CUX1: variants seen among roughly 807,000 people sequenced by gnomAD.
The protein encoded by CUX1 is protein CASP.
In CUX1, 31 loss-of-function variants were observed where a neutral mutation model predicts 158.8. That is an observed-to-expected ratio of 0.20 (90% CI 0.15 to 0.26). The LOEUF is 0.26. Among genes scored for constraint, CUX1 ranks in the 10% least tolerant of loss-of-function variants. The pLI is 1.00. For synonymous variants in CUX1, 879 were observed against 862.1 expected, an observed-to-expected ratio of 1.02 and a Z score of -0.34; for missense variants, 1,589 against 2,014.6, an observed-to-expected ratio of 0.79 and a Z score of 4.04.
intron 23 of CUX1, 120 bp downstream of exon 23, chr7:102,239,704 G>A: frequency 2.6e-6 from 3 of 1,174,900 alleles, no homozygotes; most frequent in Non-Finnish European, 3.5e-6. Context: ...TGGGAGCTCG[G>A]TGATTGGTCC....
At chr7:102,131,837 C>T (rs1041013402) in intron 8 of CUX1, among the ~76,000 whole-genome samples, 2 of 151,722 alleles carry the variant, frequency 1.3e-5, no homozygotes, top group Admixed American at 6.6e-5. Flanking sequence ...CATGCCTAGC[C>T]AATTTTTGTA....
chr7:102,049,613 G>A (rs1179412712), intron 3 of CUX1, among the ~76,000 whole-genome samples: 2 of 152,110 alleles, frequency 1.3e-5, no homozygotes, highest in Admixed American at 6.6e-5. Context: ...GCCGAGGCAG[G>A]AGGATCACTT....
chr7:102,054,977 A>C (rs1389212618), intron 3 of CUX1, among the ~76,000 whole-genome samples: 1 of 152,060 alleles, frequency 6.6e-6, no homozygotes, highest in African/African-American at 2.4e-5. Flanking sequence ...TCTCCAAAAA[A>C]AAAAAAGCCA....
intron 17 of CUX1, chr7:102,277,943 C>G (rs782797555): frequency 9.3e-5 from 139 of 1,497,304 alleles, no homozygotes; most frequent in Admixed American, 2.1e-4. Flanking sequence ...GCCCCTCCCC[C>G]CCCAGGAGAA....
chr7:102,209,127 A>T (rs1796262435), intron 20 of CUX1, among the ~76,000 whole-genome samples: 1 of 152,130 alleles, frequency 6.6e-6, no homozygotes, highest in African/African-American at 2.4e-5. Flanking sequence ...CTGGCCCAGG[A>T]GTCTATTTTC....
intron 2 of CUX1, among the ~76,000 whole-genome samples, chr7:101,933,560 G>A (rs964987627): frequency 1.9e-4 from 29 of 152,038 alleles, no homozygotes; most frequent in African/African-American, 7.0e-4. Context: ...AGAACTGGCC[G>A]AAGAAAATGC....
intron 12 of CUX1, among the ~76,000 whole-genome samples, chr7:102,192,956 A>G (rs1329087436): frequency 6.6e-6 from 1 of 152,214 alleles, no homozygotes; most frequent in Non-Finnish European, 1.5e-5. Context: ...CAGCCCAGAG[A>G]CCGTAGTGAT....
chr7:102,158,725 A>C, intron 9 of CUX1, 117 bp downstream of exon 9: 1 of 916,162 alleles, frequency 1.1e-6, no homozygotes, highest in Non-Finnish European at 1.8e-6. Context: ...TTTTACTGAC[A>C]GCTTTCAACG....
chr7:102,010,567 G>A (rs1476307876), intron 2 of CUX1, among the ~76,000 whole-genome samples: 3 of 152,134 alleles, frequency 2.0e-5, no homozygotes, highest in African/African-American at 7.2e-5. Flanking sequence ...TAGCTTCCGG[G>A]AAAGGGAAGG....
In CUX1 at chr7:102,256,634, G is replaced by A. The variant is rs562221961; in HGVS notation, c.*7592G>A. The A allele has an allele frequency of 2.8e-5, 28 of 985,336 alleles. No individual in the cohort carries two copies. Among genetic ancestry groups the A allele is most frequent in the Non-Finnish European group, 3.0e-5 (25 of 829,952 alleles). 61.0% of individuals were successfully genotyped at this position (985,336 alleles called of 1,614,324 possible). A position where few individuals can be genotyped will look rare whatever the true frequency, so the allele number is the denominator to read the frequency against. On this transcript the variant is annotated 3_prime_UTR_variant, in exon 24 of 24. Coordinates refer to ENST00000292535, the MANE Select transcript of CUX1 (RefSeq NM_181552.4). ...TATGAACAAAAAAATTTACCAACGT[G>A]TGAGGGAGTTGCTGAGTTGAAGAAT...
intron 8 of CUX1, among the ~76,000 whole-genome samples, chr7:102,135,972 T>G (rs1833856260): frequency 6.6e-6 from 1 of 150,824 alleles, no homozygotes; most frequent in East Asian, 1.9e-4. Context: ...AGGCTCTGTC[T>G]CAAAAAAAAA....
chr7:102,073,213 A>T (rs1266451086), intron 4 of CUX1, among the ~76,000 whole-genome samples: 1 of 123,290 alleles, frequency 8.1e-6, no homozygotes, highest in Non-Finnish European at 1.6e-5. Flanking sequence ...GCACTCTGTC[A>T]AAGAGGCTGG....
intron 20 of CUX1, among the ~76,000 whole-genome samples, chr7:102,226,620 AGTT>A (rs35628720): frequency 0.083 from 12,554 of 152,096 alleles, 664 homozygotes; most frequent in African/African-American, 0.14. Flanking sequence ...ATGTTTCCGC[AGTT>A]GTTGTTTTTT....
Position 102,266,889 on chromosome 7 carries a change from C to T in CUX1, c.1256-6477C>T, listed in dbSNP as rs875660. ...GAATTAGACGCTTGAGAAGAGACAGCTTCTTCAAGGAGTTTTGCCAGAGTG... is the reference window on the plus strand; with the variant it reads ...GAATTAGACGCTTGAGAAGAGACAGTTTCTTCAAGGAGTTTTGCCAGAGTG... On this transcript the variant is annotated intron_variant, in intron 14 of 22. Transcript: ENST00000292538. 7.6e-3 allele frequency among the ~76,000 whole-genome samples: 1,160 copies of T among 152,260 alleles called. 15 individuals are homozygous for T. The highest frequency in any genetic ancestry group is 0.026 in the African/African-American group (1,098 of 41,556).
At chr7:102,188,023 A>T (rs577375889) in intron 11 of CUX1, among the ~76,000 whole-genome samples, 1 of 152,130 alleles carries the variant, frequency 6.6e-6, no homozygotes, top group South Asian at 2.1e-4. Context: ...AGCCTGGGCA[A>T]CATAGCAAGA....
intron 3 of CUX1, among the ~76,000 whole-genome samples, chr7:102,031,590 C>A (rs1563154207): frequency 6.6e-6 from 1 of 151,916 alleles, no homozygotes; most frequent in African/African-American, 2.4e-5. Flanking sequence ...TTTGAACCCA[C>A]AAAAGAAAGG....
chr7:102,266,181 G>A (rs1487907746), intron 14 of CUX1, among the ~76,000 whole-genome samples: 1 of 147,456 alleles, frequency 6.8e-6, no homozygotes, highest in Admixed American at 6.9e-5. Context: ...TCTAGCCTGG[G>A]TGACAGAGTG....
In CUX1 at chr7:101,973,418, C is replaced by T. The variant is rs548863446; in HGVS notation, c.142-54680C>T. ...AGCCCTCCGCAGCAAGCCAGTGCAA[C>T]GCCAGGACAGTCTGCTGACAGGGGA... On this transcript the variant is annotated intron_variant, in intron 2 of 23. Transcript: ENST00000292535. Among the ~76,000 whole-genome samples the T allele has an allele frequency of 1.2e-4, 19 of 152,290 alleles. No homozygotes were observed. The East Asian group carries it at 2.5e-3, about 20-fold the overall frequency.
chr7:102,134,451 T>C (rs1833673087), intron 8 of CUX1, among the ~76,000 whole-genome samples: 1 of 152,236 alleles, frequency 6.6e-6, no homozygotes, highest in South Asian at 2.1e-4. Context: ...CTTACGTCTT[T>C]AAAACATTCC....
Sources: allele counts gnomAD v4.1 joint callset (sites outside exome capture counted in the v4.1 genomes callset), GRCh38; gene constraint gnomAD v4.1.1; transcripts MANE v1.5; gene names NCBI Gene and HGNC (gene_info 2026-07-23, HGNC 2026-07-21).